EPC2: variants seen among roughly 807,000 people sequenced by gnomAD.
The protein encoded by EPC2 is enhancer of polycomb 2.
In EPC2, 14 loss-of-function variants were observed where a neutral mutation model predicts 92.1. The observed-to-expected ratio is 0.15, with a 90% confidence interval of 0.10 to 0.24. EPC2 has a LOEUF of 0.24. Ranked by LOEUF, EPC2 falls within the 10% of genes least tolerant of loss-of-function variation. The probability of loss-of-function intolerance (pLI) is 1.00; values close to 1 mark genes in which losing one functional copy is unlikely to be tolerated. For missense variants in EPC2, 755 were observed against 971.5 expected (o/e 0.78, Z 2.96); for synonymous variants, 340 against 334.7 (o/e 1.02, Z -0.17).
intron 4 of EPC2, 139 bp downstream of exon 4, chr2:148,754,272 G>T (rs781231709): frequency 4.1e-6 from 3 of 729,372 alleles, no homozygotes; most frequent in African/African-American, 1.8e-5. Flanking sequence ...CCTACTTTTC[G>T]TCTGATCCGT....
At chr2:148,654,443 G>A (rs1303983945) in intron 1 of EPC2, among the ~76,000 whole-genome samples, 1 of 152,072 alleles carries the variant, frequency 6.6e-6, no homozygotes, top group Non-Finnish European at 1.5e-5. Context: ...TACAGCTTGA[G>A]GCCAGGAGTT....
intron 2 of EPC2, among the ~76,000 whole-genome samples, chr2:148,710,273 G>A (rs1160553271): frequency 6.6e-6 from 1 of 152,232 alleles, no homozygotes; most frequent in Non-Finnish European, 1.5e-5. Flanking sequence ...GGTCATCAGA[G>A]AAATGCAAAT....
chr2:148,706,082 G>A (rs557072570), intron 2 of EPC2, among the ~76,000 whole-genome samples: 3 of 152,078 alleles, frequency 2.0e-5, no homozygotes, highest in East Asian at 1.9e-4. Flanking sequence ...TGAACCCAAC[G>A]CAAGGAAGCT....
intron 5 of EPC2, 108 bp downstream of exon 5, chr2:148,762,038 TATTG>T (rs1423042325): frequency 2.4e-6 from 2 of 831,034 alleles, no homozygotes; most frequent in African/African-American, 3.7e-5. Context: ...TGACAGTTGA[TATTG>T]ATTCTGTAAG....
chr2:148,663,509 C>T (rs570323669), intron 1 of EPC2, among the ~76,000 whole-genome samples: 25 of 150,912 alleles, frequency 1.7e-4, no homozygotes, highest in South Asian at 8.4e-4. Flanking sequence ...TGAGCCACTG[C>T]GCCCAGCCAA....
chr2:148,664,119 G>T (rs1681012561), intron 1 of EPC2, among the ~76,000 whole-genome samples: 1 of 152,086 alleles, frequency 6.6e-6, no homozygotes, highest in Non-Finnish European at 1.5e-5. Flanking sequence ...TGTATTACAT[G>T]GAATTTTCCA....
At chr2:148,783,836 T>A in intron 12 of EPC2, 80 bp downstream of exon 12, 1 of 1,409,352 alleles carries the variant, frequency 7.1e-7, no homozygotes, top group Non-Finnish European at 9.7e-7. Context: ...TGTTTTTTTA[T>A]CCAAGGGGAA....
At chr2:148,739,171 G>A (rs1322198675) in intron 2 of EPC2, among the ~76,000 whole-genome samples, 6 of 152,190 alleles carry the variant, frequency 3.9e-5, no homozygotes, top group Non-Finnish European at 8.8e-5. Flanking sequence ...CCCTCCTGGA[G>A]ATTTGAATGG....
intron 10 of EPC2, among the ~76,000 whole-genome samples, chr2:148,780,407 TA>T (rs1363150939): frequency 2.0e-5 from 3 of 152,140 alleles, no homozygotes; most frequent in Non-Finnish European, 2.9e-5. Context: ...TAATTTACCA[TA>T]AAAAAATTTT....
intron 10 of EPC2, among the ~76,000 whole-genome samples, chr2:148,780,526 G>A (rs1243477079): frequency 6.6e-6 from 1 of 152,124 alleles, no homozygotes; most frequent in Non-Finnish European, 1.5e-5. Flanking sequence ...ATATTGATTA[G>A]ATCACTCAAT....
chr2:148,665,841 ATCTT>A lies in EPC2; in HGVS notation c.153+20673_153+20676del, dbSNP rs569022506. Among the ~76,000 whole-genome samples, 495 of 152,306 alleles carry A rather than the reference ATCTT, an allele frequency of 3.3e-3. 2 individuals carry two copies. The highest frequency in any genetic ancestry group is 5.9e-3 in the Non-Finnish European group (403 of 68,026). On this transcript the variant is annotated intron_variant, in intron 1 of 13. Coordinates refer to ENST00000258484, the MANE Select transcript of EPC2 (RefSeq NM_015630.4). ...AACAGCTGTTTTTCAGGAGAAAAAA[ATCTT>A]TATAATATAAAATTCTAAAAGGAAT...
chr2:148,654,299 A>AT (rs1020425914), intron 1 of EPC2, among the ~76,000 whole-genome samples: 5 of 152,186 alleles, frequency 3.3e-5, no homozygotes, highest in East Asian at 1.9e-4. Flanking sequence ...GGCAACACTC[A>AT]TTTTTTTGGT....
At chr2:148,700,526 A>G (rs985365046) in intron 2 of EPC2, among the ~76,000 whole-genome samples, 8 of 111,860 alleles carry the variant, frequency 7.2e-5, no homozygotes, top group Middle Eastern at 0.012. Context: ...CTCCTTTGTC[A>G]AAGATCTTTT....
intron 2 of EPC2, among the ~76,000 whole-genome samples, chr2:148,705,392 C>G (rs543254335): frequency 6.6e-6 from 1 of 152,312 alleles, no homozygotes; most frequent in Admixed American, 6.5e-5. Flanking sequence ...TGAATAGGAA[C>G]AGCTCTGGTC....
intron 6 of EPC2, 26 bp from the exon 7 acceptor site, chr2:148,764,929 T>TG: frequency 7.1e-7 from 1 of 1,407,824 alleles, no homozygotes; most frequent in Non-Finnish European, 9.3e-7. Context: ...TTCTTCCTTT[T>TG]GGGGGAAAAA....
intron 2 of EPC2, among the ~76,000 whole-genome samples, chr2:148,707,739 T>C (rs1249885367): frequency 6.6e-6 from 1 of 152,200 alleles, no homozygotes; most frequent in Non-Finnish European, 1.5e-5. Context: ...AACCTGCTCC[T>C]GAATGACTAC....
At chr2:148,686,915 C>G (rs1178136621) in intron 1 of EPC2, among the ~76,000 whole-genome samples, 9 of 152,132 alleles carry the variant, frequency 5.9e-5, no homozygotes, top group Non-Finnish European at 2.9e-5. Context: ...ATTAACATTA[C>G]CAGCTGATTA....
intron 4 of EPC2, among the ~76,000 whole-genome samples, chr2:148,759,683 ACTG>A (rs891813732): frequency 4.6e-5 from 7 of 152,104 alleles, no homozygotes; most frequent in Admixed American, 6.5e-5. Context: ...CAAAAATAGT[ACTG>A]CTGATAATTT....
chr2:148,781,743 C>T lies in EPC2; in HGVS notation c.1820C>T (p.Ser607Phe). 6.2e-7 allele frequency: 1 copy of T among 1,613,984 alleles called. No homozygotes were observed. The highest frequency in any genetic ancestry group is 2.2e-5 in the East Asian group (1 of 44,870). The change falls in exon 11 of 14, where the codon TCT (serine) becomes TTT (phenylalanine). Residue 607 changes from serine to phenylalanine, a missense_variant. Ser to Phe is a radical substitution (Grantham distance 155). Coordinates refer to ENST00000258484, the MANE Select transcript of EPC2 (RefSeq NM_015630.4). ...GCCCAGCTTCAGCAGAAACAGCAAT[C>T]TCAGCATTCCTCGCAACAGACACAT... ...QLAQLQQKQQSQHSSQQTHPK... is the reference protein window; with the variant it reads ...QLAQLQQKQQFQHSSQQTHPK...
Sources: allele counts gnomAD v4.1 joint callset (sites outside exome capture counted in the v4.1 genomes callset), GRCh38; gene constraint gnomAD v4.1.1; transcripts MANE v1.5; gene names NCBI Gene and HGNC (gene_info 2026-07-23, HGNC 2026-07-21).